The following AP3B2 variants were observed in gnomAD, a reference collection of about 807,000 sequenced individuals.
AP3B2 encodes the protein AP-3 complex subunit beta-2.
Under a neutral mutation model 126.9 loss-of-function variants are expected in AP3B2, and 50 were observed. The ratio of observed to expected loss-of-function variants is 0.39; its 90% CI spans 0.31 to 0.50. The LOEUF (loss-of-function observed/expected upper bound fraction) is 0.50. AP3B2 is among the 20% of genes least tolerant of loss of function. The pLI is 0.79. For synonymous variants in AP3B2, 541 were observed against 565.0 expected, an observed-to-expected ratio of 0.96 and a Z score of 0.60; for missense variants, 1,177 against 1,426.4, an observed-to-expected ratio of 0.83 and a Z score of 2.82.
intron 25 of AP3B2, among the ~76,000 whole-genome samples, chr15:82,660,337 C>T (rs929559822): frequency 1.3e-5 from 2 of 152,142 alleles, no homozygotes; most frequent in Non-Finnish European, 2.9e-5. Flanking sequence ...TTGATCTTTC[C>T]TGGGGGGCCC....
rs2047902950 is a variant in AP3B2 at position 82,659,722 on chromosome 15, A to G, written c.3156-12T>C. On this transcript the variant is annotated splice_polypyrimidine_tract_variant and intron_variant, in intron 26 of 26. Coordinates refer to ENST00000535359, the MANE Select transcript of AP3B2 (RefSeq NM_001278512.2). ...TCCTCCCTGCAAACCTGAGGTGGGAATAGAAGGGGTGAGGAAGAGCTGCTA... is the reference window on the plus strand; with the variant it reads ...TCCTCCCTGCAAACCTGAGGTGGGAGTAGAAGGGGTGAGGAAGAGCTGCTA... The G allele has an allele frequency of 6.2e-7, 1 of 1,613,554 alleles. No homozygotes were observed. Among genetic ancestry groups the G allele is most frequent in the African/African-American group, 1.3e-5 (1 of 74,910 alleles).
chr15:82,708,205 C>T (rs186849328), intron 1 of AP3B2, among the ~76,000 whole-genome samples: 2 of 151,978 alleles, frequency 1.3e-5, no homozygotes, highest in Admixed American at 1.3e-4. Context: ...CACTGAGCAC[C>T]TTGTGTCCCC....
chr15:82,676,247 T>C (rs960540554), intron 14 of AP3B2, among the ~76,000 whole-genome samples: 6 of 152,184 alleles, frequency 3.9e-5, no homozygotes, highest in South Asian at 4.1e-4. Flanking sequence ...CACAGCTTCA[T>C]AGGAGAGTCT....
intron 4 of AP3B2, 126 bp downstream of exon 4, chr15:82,688,610 A>C: frequency 1.1e-6 from 1 of 896,104 alleles, no homozygotes; most frequent in South Asian, 1.4e-5. Flanking sequence ...TGACCCTCCC[A>C]ATTTTAGGCA....
At chr15:82,684,583 T>TA (rs1184834345) in intron 4 of AP3B2, among the ~76,000 whole-genome samples, 1 of 152,234 alleles carries the variant, frequency 6.6e-6, no homozygotes, top group African/African-American at 2.4e-5. Context: ...TTCATGTGTT[T>TA]ACTGGAGAAG....
At chr15:82,661,709 G>T in intron 25 of AP3B2, 116 bp downstream of exon 25, 2 of 799,304 alleles carry the variant, frequency 2.5e-6, no homozygotes, top group Non-Finnish European at 4.1e-6. Context: ...GTTACAGAAA[G>T]TTTGCTGACC....
chr15:82,709,113 G>A (rs558700626), intron 1 of AP3B2, among the ~76,000 whole-genome samples: 1 of 152,154 alleles, frequency 6.6e-6, no homozygotes, highest in African/African-American at 2.4e-5. Context: ...ATGGGGACCA[G>A]AGGGAGGGGA....
intron 4 of AP3B2, among the ~76,000 whole-genome samples, chr15:82,683,622 C>T (rs1030656400): frequency 6.6e-6 from 1 of 152,152 alleles, no homozygotes; most frequent in Non-Finnish European, 1.5e-5. Context: ...TCCCATGAAT[C>T]ATGAATGTTC....
At chr15:82,663,714 T>C in intron 20 of AP3B2, 87 bp downstream of exon 20, 1 of 1,602,484 alleles carries the variant, frequency 6.2e-7, no homozygotes, top group Non-Finnish European at 8.5e-7. Flanking sequence ...TTCTGGATGG[T>C]AGGGAGATAG....
chr15:82,706,051 G>A (rs551922530), intron 1 of AP3B2, among the ~76,000 whole-genome samples: 68 of 152,300 alleles, frequency 4.5e-4, no homozygotes, highest in African/African-American at 1.6e-3. Flanking sequence ...ACCACGCCCT[G>A]TAGCCTTTCT....
chr15:82,675,250 A>C (rs1049500981), intron 14 of AP3B2, among the ~76,000 whole-genome samples: 1 of 152,130 alleles, frequency 6.6e-6, no homozygotes, highest in Non-Finnish European at 1.5e-5. Flanking sequence ...CTTCCACCTG[A>C]AGACCTAAGG....
intron 11 of AP3B2, 97 bp from the exon 12 acceptor site, chr15:82,677,900 G>A (rs879590377): frequency 5.5e-5 from 79 of 1,444,002 alleles, no homozygotes; most frequent in Admixed American, 7.1e-5. Context: ...TTATCATGCC[G>A]GTGACTAAGA....
At chr15:82,695,696 C>T (rs934110147) in intron 1 of AP3B2, among the ~76,000 whole-genome samples, 2 of 152,094 alleles carry the variant, frequency 1.3e-5, no homozygotes, top group Non-Finnish European at 2.9e-5. Context: ...ACTAAAGTTT[C>T]CCTGAGTTCT....
rs1180744003 is a variant in AP3B2 at position 82,689,409 on chromosome 15, A to G, written c.158T>C (p.Leu53Pro). ...AATCCTCTTCATGGCCTCCAGCTTG[A>G]GAGAATCCTTGTTGGTGTCCAGCAT... ...KEMLDTNKDS[L>P]KLEAMKRIVA... The change falls in exon 2 of 27, where the codon CTC (leucine) becomes CCC (proline). Residue 53 changes from leucine (L) to proline (P), a missense_variant. Leu to Pro is a moderately conservative substitution (Grantham distance 98, BLOSUM62 -3). Transcript: ENST00000535359. 1.2e-6 allele frequency: 2 copies of G among 1,613,900 alleles called. No individual in the cohort carries two copies. Among genetic ancestry groups the G allele is most frequent in the Admixed American group, 3.3e-5 (2 of 60,000 alleles).
chr15:82,686,109 C>G (rs1346602874), intron 4 of AP3B2: 1 of 152,182 alleles, frequency 6.6e-6, no homozygotes, highest in Non-Finnish European at 1.5e-5. Flanking sequence ...GACACAAAAT[C>G]AGGAGGGACA....
At chr15:82,672,328 G>A (rs1474951324) in intron 14 of AP3B2, among the ~76,000 whole-genome samples, 1 of 152,102 alleles carries the variant, frequency 6.6e-6, no homozygotes, top group Non-Finnish European at 1.5e-5. Flanking sequence ...AGAACTAGAG[G>A]TCATTATTTT....
At position 82,665,144 on chromosome 15, in the gene AP3B2, G is replaced by T; in HGVS notation, c.2028+103C>A. On this transcript the variant is annotated intron_variant, in intron 17 of 26. Transcript: ENST00000535359. This position sits in a 1 kb window ranked among gnomAD's most constrained non-coding sequence, Gnocchi z 4.4. ...TCACAGAGGAGCACTGCCAAACCAA[G>T]GTGGAAACAGAGTATGGGAAGGCCC... 1 of 1,346,048 alleles carries T rather than the reference G, an allele frequency of 7.4e-7. No homozygotes were observed. Among genetic ancestry groups the T allele is most frequent in the Non-Finnish European group, 1.0e-6 (1 of 979,556 alleles). 83.4% of individuals were successfully genotyped at this position (1,346,048 alleles called of 1,614,324 possible).
chr15:82,667,875 G>T (rs946913293), intron 14 of AP3B2, among the ~76,000 whole-genome samples: 1 of 152,138 alleles, frequency 6.6e-6, no homozygotes, highest in African/African-American at 2.4e-5. Flanking sequence ...CTGCCTACCT[G>T]CTGACATAAG....
chr15:82,709,730 G>T lies in AP3B2; in HGVS notation c.-24C>A. On this transcript the variant is annotated 5_prime_UTR_variant, in exon 1 of 27. Transcript: ENST00000535359. ...ATGGGGCGGCCAGGGAGACTTCGCCGAGGAGGAGGTTGCGGGGCCGGAGGC... is the reference window on the plus strand; with the variant it reads ...ATGGGGCGGCCAGGGAGACTTCGCCTAGGAGGAGGTTGCGGGGCCGGAGGC... The T allele has an allele frequency of 6.9e-7, 1 of 1,452,894 alleles. No homozygotes were observed. Among genetic ancestry groups the T allele is most frequent in the East Asian group, 2.9e-5 (1 of 34,118 alleles). 90.0% of individuals were successfully genotyped at this position (1,452,894 alleles called of 1,614,324 possible). A position where few individuals can be genotyped will look rare whatever the true frequency, so the allele number is the denominator to read the frequency against.
Sources: allele counts gnomAD v4.1 joint callset (sites outside exome capture counted in the v4.1 genomes callset), GRCh38; gene constraint gnomAD v4.1.1; non-coding constraint Gnocchi (gnomAD v3.1); transcripts MANE v1.5; gene names NCBI Gene and HGNC (gene_info 2026-07-23, HGNC 2026-07-21).